The following ATP2C1 variants were observed in gnomAD, a reference collection of about 807,000 sequenced individuals.
ATP2C1 encodes ATPase secretory pathway Ca2+ transporting 1, also known as calcium-transporting ATPase type 2C member 1.
In ATP2C1, 31 loss-of-function variants were observed where a neutral mutation model predicts 120.5. The ratio of observed to expected loss-of-function variants is 0.26; its 90% CI spans 0.19 to 0.35. The LOEUF (loss-of-function observed/expected upper bound fraction) is 0.35. Among genes scored for constraint, ATP2C1 ranks in the 10% least tolerant of loss-of-function variants. ATP2C1 has a pLI of 1.00. For synonymous variants in ATP2C1, 351 were observed against 358.7 expected (o/e 0.98, Z 0.24); for missense variants, 731 against 1,107.5 (o/e 0.66, Z 4.83).
chr3:130,892,581 C>T (rs1181533711), upstream of ATP2C1, among the ~76,000 whole-genome samples: 1 of 149,392 alleles, frequency 6.7e-6, no homozygotes, highest in East Asian at 2.0e-4. Flanking sequence ...AATTTTCGAT[C>T]CTAGTCTAGT....
At chr3:131,006,635 TTGTG>T (rs3073260), downstream of ATP2C1, among the ~76,000 whole-genome samples, 39,685 of 146,958 alleles carry the variant, frequency 0.27, 6,458 homozygotes, top group African/African-American at 0.47. Context: ...TAGTGTGTGT[TTGTG>T]TGTGTGTGTG....
chr3:130,887,166 A>C (rs980338684), intron 1 of ATP2C1, among the ~76,000 whole-genome samples: 1 of 152,122 alleles, frequency 6.6e-6, no homozygotes, highest in African/African-American at 2.4e-5. Context: ...CTTTACCCTT[A>C]CTTTTTCCCA....
At chr3:130,852,293 G>A (rs2067698490) in intron 1 of ATP2C1, among the ~76,000 whole-genome samples, 1 of 152,184 alleles carries the variant, frequency 6.6e-6, no homozygotes, top group Admixed American at 6.5e-5. Flanking sequence ...AGGAAGAGAG[G>A]TGGCTGAAAG....
chr3:130,956,470 C>T (rs1428395967), intron 11 of ATP2C1, among the ~76,000 whole-genome samples: 1 of 152,064 alleles, frequency 6.6e-6, no homozygotes, highest in East Asian at 1.9e-4. Context: ...TTTTATTTCA[C>T]ATATCCTGTC....
At chr3:130,881,442 T>G (rs2068779114) in intron 1 of ATP2C1, among the ~76,000 whole-genome samples, 1 of 147,712 alleles carries the variant, frequency 6.8e-6, no homozygotes, top group African/African-American at 2.5e-5. Context: ...CACCACAGCC[T>G]TGTCCTCCTG....
intron 20 of ATP2C1, among the ~76,000 whole-genome samples, chr3:130,984,002 T>C (rs898180021): frequency 6.6e-6 from 1 of 152,204 alleles, no homozygotes; most frequent in Non-Finnish European, 1.5e-5. Flanking sequence ...GACATAAGTT[T>C]TCAATTCATT....
At chr3:130,927,439 C>T (rs2059264174) in intron 2 of ATP2C1, among the ~76,000 whole-genome samples, 1 of 151,988 alleles carries the variant, frequency 6.6e-6, no homozygotes, top group Admixed American at 6.6e-5. Flanking sequence ...GACGGGGTTT[C>T]ATTATGTTAG....
At chr3:130,942,920 G>A (rs1360516694) in intron 8 of ATP2C1, among the ~76,000 whole-genome samples, 2 of 152,132 alleles carry the variant, frequency 1.3e-5, no homozygotes, top group Admixed American at 1.3e-4. Context: ...AATTCATGGA[G>A]TTCATGCCAT....
At chr3:130,866,375 G>A (rs1288171750) in intron 1 of ATP2C1, among the ~76,000 whole-genome samples, 2 of 152,076 alleles carry the variant, frequency 1.3e-5, no homozygotes, top group Non-Finnish European at 2.9e-5. Flanking sequence ...TTTCTTTAAG[G>A]ATAAAATTAT....
intron 20 of ATP2C1, among the ~76,000 whole-genome samples, chr3:130,990,832 T>C (rs1286233932): frequency 6.6e-6 from 1 of 151,734 alleles, no homozygotes; most frequent in Non-Finnish European, 1.5e-5. Context: ...ATAAGAAAAA[T>C]GGAGGAATTA....
At chr3:130,975,288 T>C (rs752914406) in intron 17 of ATP2C1, 44 bp from the exon 18 acceptor site, 1 of 1,594,298 alleles carries the variant, frequency 6.3e-7, no homozygotes, top group South Asian at 1.1e-5. Context: ...GGCAGGTAAG[T>C]ACAAGTTGAA....
At chr3:130,973,979 G>C (rs2061438989) in intron 17 of ATP2C1, among the ~76,000 whole-genome samples, 1 of 152,158 alleles carries the variant, frequency 6.6e-6, no homozygotes, top group South Asian at 2.1e-4. Context: ...TAGAGGTAGA[G>C]GGTTGTTCCT....
intron 2 of ATP2C1, among the ~76,000 whole-genome samples, chr3:130,907,064 TTATA>T (rs1475083160): frequency 2.1e-5 from 3 of 140,084 alleles, no homozygotes; most frequent in African/African-American, 8.7e-5. Flanking sequence ...TAAGAGTTCT[TTATA>T]TATATGTGTG....
At chr3:130,981,828 T>C (rs1042796976) in intron 20 of ATP2C1, among the ~76,000 whole-genome samples, 2 of 152,248 alleles carry the variant, frequency 1.3e-5, no homozygotes, top group African/African-American at 4.8e-5. Flanking sequence ...TATCTTTTCA[T>C]ATGCTTATTT....
intron 2 of ATP2C1, among the ~76,000 whole-genome samples, chr3:130,909,791 A>G (rs904921629): frequency 2.0e-5 from 3 of 152,222 alleles, no homozygotes; most frequent in Non-Finnish European, 4.4e-5. Flanking sequence ...CTGAATTATT[A>G]TTGTAGAGCC....
chr3:130,926,291 A>G (rs895931212), intron 2 of ATP2C1, among the ~76,000 whole-genome samples: 1 of 152,200 alleles, frequency 6.6e-6, no homozygotes, highest in Non-Finnish European at 1.5e-5. Flanking sequence ...TTGAGCATCT[A>G]GATATAGTTT....
intron 8 of ATP2C1, among the ~76,000 whole-genome samples, chr3:130,946,307 T>C (rs2060151655): frequency 6.6e-6 from 1 of 152,256 alleles, no homozygotes; most frequent in African/African-American, 2.4e-5. Flanking sequence ...TGAGCCATTT[T>C]TTAATCTCAT....
intron 24 of ATP2C1, 142 bp downstream of exon 24, chr3:130,996,938 G>A: frequency 1.4e-6 from 1 of 711,116 alleles, no homozygotes; most frequent in East Asian, 2.6e-5. Context: ...ATTGTGTGAT[G>A]TGTGTATTTT....
intron 4 of ATP2C1, among the ~76,000 whole-genome samples, chr3:130,934,358 GTATAC>G (rs2059574710): frequency 6.6e-6 from 1 of 151,844 alleles, no homozygotes; most frequent in African/African-American, 2.4e-5. Context: ...AAAAATTGCT[GTATAC>G]TATAAGGAAT....
Sources: gnomAD v4.1 joint callset for allele counts (sites outside exome capture counted in the v4.1 genomes callset) on GRCh38, gnomAD v4.1.1 for gene constraint, MANE v1.5 for transcripts, NCBI Gene and HGNC (gene_info 2026-07-23, HGNC 2026-07-21) for gene names.